Variants in AP1S2 observed in about 807,000 individuals in gnomAD.
AP1S2 encodes the protein adaptor related protein complex 1 subunit sigma 2.
AP1S2 carries 1 observed loss-of-function variant against 14.3 expected under a neutral mutation model. The observed-to-expected ratio is 0.07, with a 90% CI of 0.02 to 0.33. AP1S2 has a LOEUF of 0.33. AP1S2 is among the 10% of genes least tolerant of loss of function. The pLI, the probability that AP1S2 is intolerant of heterozygous loss-of-function variation, is 0.99. For missense variants in AP1S2, 30 were observed against 117.7 expected, an observed-to-expected ratio of 0.25 and a Z score of 3.45; for synonymous variants, 30 against 40.5, an observed-to-expected ratio of 0.74 and a Z score of 0.99.
At chrX:15,849,031 C>T (rs188571298) in intron 2 of AP1S2, among the ~76,000 whole-genome samples, 156 of 111,913 alleles carry the variant, frequency 1.4e-3, no homozygotes, top group African/African-American at 5.0e-3. Context: ...CAAAATGCTA[C>T]ACAAAACAGG....
chrX:15,831,139 G>A (rs1002586692), intron 4 of AP1S2: 120 of 732,939 alleles, frequency 1.6e-4, no homozygotes, highest in Non-Finnish European at 1.9e-4. Context: ...TGCTTATTTT[G>A]ACCTAGCACT....
At chrX:15,843,432 G>A (rs1022809658) in intron 4 of AP1S2, among the ~76,000 whole-genome samples, 2 of 111,346 alleles carry the variant, frequency 1.8e-5, no homozygotes, top group Non-Finnish European at 3.8e-5. Flanking sequence ...GTGCAAGCCT[G>A]TAATCCCAGC....
intron 4 of AP1S2, among the ~76,000 whole-genome samples, chrX:15,842,176 G>A (rs191608692): frequency 8.9e-6 from 1 of 112,307 alleles, no homozygotes; most frequent in African/African-American, 3.2e-5. Context: ...GCAGTTTGTG[G>A]AGTGCTTTTT....
chrX:15,845,137 G>T, intron 4 of AP1S2: 2 of 753,489 alleles, frequency 2.7e-6, no homozygotes, highest in Non-Finnish European at 3.1e-6. Context: ...AGTGTTTTAG[G>T]GTCCAAAAAG....
In AP1S2 at chrX:15,826,954, A is replaced by G. The variant is rs1933284846; in HGVS notation, c.*371T>C. The G allele has an allele frequency of 7.8e-6, 1 of 128,195 alleles. No individual in the cohort carries two copies. The highest frequency in any genetic ancestry group is 1.5e-5 in the Non-Finnish European group (1 of 65,106). The allele number at this position is 128,195 out of a possible 1,213,427, so 10.6% of individuals were successfully genotyped here. A position where few individuals can be genotyped will look rare whatever the true frequency, so the allele number is the denominator to read the frequency against. Reference sequence around the variant, plus strand: ...TTGGTTTCATAAAACCAGGTTTCACATTATAATTTAAGAGTTTCCTTTGTC... The same window carrying G: ...TTGGTTTCATAAAACCAGGTTTCACGTTATAATTTAAGAGTTTCCTTTGTC... On this transcript the variant is annotated 3_prime_UTR_variant, in exon 6 of 6. Coordinates refer to ENST00000672987, the MANE Select transcript of AP1S2 (RefSeq NM_001272071.2).
At chrX:15,834,074 C>CTCTG (rs1318296389) in intron 4 of AP1S2, among the ~76,000 whole-genome samples, 1 of 110,450 alleles carries the variant, frequency 9.1e-6, no homozygotes, top group Non-Finnish European at 1.9e-5. Context: ...AGTACAGGTT[C>CTCTG]TCTGGAGACC....
At chrX:15,833,581 G>T in intron 4 of AP1S2, 2 of 677,482 alleles carry the variant, frequency 3.0e-6, no homozygotes, top group Non-Finnish European at 3.6e-6. Context: ...CTTTAATAAC[G>T]TTTTAAATAA....
intron 4 of AP1S2, chrX:15,833,490 C>G: frequency 1.1e-6 from 1 of 872,087 alleles, no homozygotes; most frequent in Non-Finnish European, 1.4e-6. Context: ...AACCCCTCTT[C>G]ACTGGAAAAA....
At position 15,826,369 on chromosome X, in the gene AP1S2, GGAAA is replaced by G. The variant is rs1397645162; in HGVS notation, c.*952_*955del. The G allele has an allele frequency of 8.9e-6, 1 of 112,155 alleles. No homozygotes were observed. The highest frequency in any genetic ancestry group is 1.9e-5 in the Non-Finnish European group (1 of 53,220). The allele number at this position is 112,155 out of a possible 1,213,427, so 9.2% of individuals were successfully genotyped here. ...ACTTCTGTTAACTAGGCAGTGCCATGGAAAGAAAGGAAGCTGCTGTAAAGTGTGC... is the reference window on the plus strand; with the variant it reads ...ACTTCTGTTAACTAGGCAGTGCCATGGAAAGGAAGCTGCTGTAAAGTGTGC... On this transcript the variant is annotated 3_prime_UTR_variant, in exon 6 of 6. Transcript: ENST00000672987.
At chrX:15,847,143 A>T (rs1934022146) in intron 2 of AP1S2, among the ~76,000 whole-genome samples, 1 of 112,031 alleles carries the variant, frequency 8.9e-6, no homozygotes, top group African/African-American at 3.2e-5. Context: ...TTAATGTAAA[A>T]TAATACTGTA....
intron 2 of AP1S2, among the ~76,000 whole-genome samples, chrX:15,850,201 C>T (rs1934130911): frequency 9.0e-6 from 1 of 111,526 alleles, no homozygotes; most frequent in Non-Finnish European, 1.9e-5. Context: ...CCACATCCCA[C>T]CAGAAAATCA....
intron 2 of AP1S2, among the ~76,000 whole-genome samples, chrX:15,850,191 C>G (rs1009233325): frequency 1.8e-5 from 2 of 111,398 alleles, no homozygotes; most frequent in African/African-American, 6.5e-5. Flanking sequence ...CTTACACCAA[C>G]CACATCCCAC....
chrX:15,845,266 C>T (rs1220880674), intron 4 of AP1S2, 113 bp downstream of exon 4: 21 of 1,161,855 alleles, frequency 1.8e-5, no homozygotes, highest in Non-Finnish European at 2.4e-5. Context: ...TGGATGGACA[C>T]TACATGACAA....
At chrX:15,842,333 G>A (rs771497073) in intron 4 of AP1S2, among the ~76,000 whole-genome samples, 2 of 111,920 alleles carry the variant, frequency 1.8e-5, no homozygotes, top group South Asian at 7.5e-4. Flanking sequence ...AGAGTATGTT[G>A]ATGAAGAGAA....
At chrX:15,848,848 CTG>C (rs1019031478) in intron 2 of AP1S2, among the ~76,000 whole-genome samples, 8 of 112,380 alleles carry the variant, frequency 7.1e-5, no homozygotes, top group South Asian at 3.6e-4. Context: ...TATCAGCTGA[CTG>C]TGGGTGAATG....
In AP1S2 at chrX:15,831,631, T is replaced by C. The variant is rs1601841651; in HGVS notation, c.427-3431A>G. 3.8e-6 allele frequency: 3 copies of C among 782,643 alleles called. No individual in the cohort carries two copies. The East Asian group carries it at 4.1e-4, about 107-fold the overall frequency. 64.5% of individuals were successfully genotyped at this position (782,643 alleles called of 1,213,427 possible). On this transcript the variant is annotated intron_variant, in intron 4 of 5. Transcript: ENST00000672987. ...CAAACTGACACAGACACAATCAGATTTCTAGAACATTTAGCTCACAGTAAA... is the reference window on the plus strand; with the variant it reads ...CAAACTGACACAGACACAATCAGATCTCTAGAACATTTAGCTCACAGTAAA...
At position 15,826,216 on chromosome X, in the gene AP1S2, ATGTAT is replaced by A. The variant is rs1201833731; in HGVS notation, c.*1104_*1108del. The A allele has an allele frequency of 1.8e-5, 2 of 112,699 alleles. No homozygotes were observed. Among genetic ancestry groups the A allele is most frequent in the Non-Finnish European group, 3.7e-5 (2 of 53,341 alleles). The allele number at this position is 112,699 out of a possible 1,213,427, so 9.3% of individuals were successfully genotyped here. On this transcript the variant is annotated 3_prime_UTR_variant, in exon 6 of 6. Transcript: ENST00000672987. ...ATAAACCATGAAGACATGTTTAGAT[ATGTAT>A]AAGTACTTAGAAAAGTGACGCTGAA...
intron 4 of AP1S2, among the ~76,000 whole-genome samples, chrX:15,839,326 A>G (rs981625273): frequency 1.8e-5 from 2 of 112,571 alleles, no homozygotes; most frequent in Non-Finnish European, 3.8e-5. Flanking sequence ...AGCAAATCTA[A>G]GAGGATTTAT....
At chrX:15,848,243 T>C (rs1435618900) in intron 2 of AP1S2, among the ~76,000 whole-genome samples, 1 of 111,575 alleles carries the variant, frequency 9.0e-6, no homozygotes, top group Admixed American at 9.5e-5. Context: ...ACATAATAAT[T>C]AAGTACCATT....
Sources: gnomAD v4.1 joint callset for allele counts (sites outside exome capture counted in the v4.1 genomes callset) on GRCh38, gnomAD v4.1.1 for gene constraint, MANE v1.5 for transcripts, NCBI Gene and HGNC (gene_info 2026-07-23, HGNC 2026-07-21) for gene names.